Variants in ZNF654 observed in about 807,000 individuals in gnomAD.
ZNF654 encodes the protein melanoma-associated antigen.
Under a neutral mutation model 95.3 loss-of-function variants are expected in ZNF654, and 19 were observed. The ratio of observed to expected loss-of-function variants is 0.20; its 90% CI spans 0.14 to 0.29. The LOEUF is 0.29. Ranked by LOEUF, ZNF654 falls within the 10% of genes least tolerant of loss-of-function variation. ZNF654 has a pLI of 1.00. For synonymous variants in ZNF654, 413 were observed against 457.9 expected, an observed-to-expected ratio of 0.90 and a Z score of 1.25; for missense variants, 1,046 against 1,341.0, an observed-to-expected ratio of 0.78 and a Z score of 3.44.
intron 2 of ZNF654, among the ~76,000 whole-genome samples, chr3:88,088,539 G>A (rs779550013): frequency 3.6e-4 from 55 of 152,218 alleles, no homozygotes; most frequent in Non-Finnish European, 5.4e-4. Flanking sequence ...AAAATTTAAA[G>A]TTCTGTAGGA....
At chr3:88,070,512 A>T (rs1346004235) in intron 1 of ZNF654, among the ~76,000 whole-genome samples, 1 of 151,940 alleles carries the variant, frequency 6.6e-6, no homozygotes, top group Admixed American at 6.6e-5. Context: ...ACATACCAAA[A>T]AAAGTTATGA....
At chr3:88,124,702 A>G (rs1184699426) in intron 3 of ZNF654, among the ~76,000 whole-genome samples, 1 of 151,814 alleles carries the variant, frequency 6.6e-6, no homozygotes, top group Non-Finnish European at 1.5e-5. Context: ...CGTTTTTAAT[A>G]TCAGAGATTT....
intron 2 of ZNF654, among the ~76,000 whole-genome samples, chr3:88,098,827 G>A (rs1251785998): frequency 2.0e-5 from 3 of 152,034 alleles, no homozygotes; most frequent in Non-Finnish European, 4.4e-5. Context: ...GTATTGATGG[G>A]ACCTATCTCA....
At chr3:88,079,006 C>T (rs1421311666) in intron 1 of ZNF654, among the ~76,000 whole-genome samples, 6 of 151,948 alleles carry the variant, frequency 3.9e-5, no homozygotes, top group African/African-American at 1.4e-4. Flanking sequence ...GCTAAAAAGT[C>T]AGTGTTGAAG....
At chr3:88,062,840 A>G (rs1706964551) in intron 1 of ZNF654, among the ~76,000 whole-genome samples, 1 of 152,230 alleles carries the variant, frequency 6.6e-6, no homozygotes, top group African/African-American at 2.4e-5. Context: ...TAGCACACAG[A>G]TAGACTTAAA....
At chr3:88,093,880 G>A (rs1465720975) in intron 2 of ZNF654, among the ~76,000 whole-genome samples, 1 of 152,156 alleles carries the variant, frequency 6.6e-6, no homozygotes, top group Non-Finnish European at 1.5e-5. Flanking sequence ...CCCCACAAAA[G>A]GTGTTTGTAT....
rs1282917208 is a variant in ZNF654 at position 88,137,222 on chromosome 3, T to C, written c.1036-1483T>C. ...AAAAAAAAAAAAAAAAAAAAAAGGA[T>C]GTAGATAGAAGTATGGAGAAAGAAA... On this transcript the variant is annotated intron_variant, in intron 7 of 8. Coordinates refer to ENST00000636215, the MANE Select transcript of ZNF654 (RefSeq NM_001350134.2). 3.1e-5 allele frequency among the ~76,000 whole-genome samples: 4 copies of C among 128,968 alleles called. No individual in the cohort carries two copies. In the East Asian group the frequency reaches 9.0e-4, roughly 29 times the overall value. 84.6% of individuals were successfully genotyped at this position (128,968 alleles called of 152,430 possible).
At chr3:88,105,315 G>A (rs986879726) in intron 2 of ZNF654, among the ~76,000 whole-genome samples, 22 of 152,014 alleles carry the variant, frequency 1.4e-4, no homozygotes, top group Non-Finnish European at 3.2e-4. Flanking sequence ...ATATCTTGGA[G>A]ATCATTCCAC....
intron 1 of ZNF654, among the ~76,000 whole-genome samples, chr3:88,076,879 C>G (rs1427528255): frequency 6.6e-6 from 1 of 152,146 alleles, no homozygotes; most frequent in African/African-American, 2.4e-5. Flanking sequence ...ACCTAAGCTG[C>G]CACATGGAGG....
In ZNF654 at chr3:88,128,869, T is replaced by C; in HGVS notation, c.611T>C (p.Ile204Thr). Residue 204 changes from isoleucine to threonine, a missense_variant, in exon 5 of 9, where the codon ATT (isoleucine) becomes ACT (threonine). Transcript: ENST00000636215. ...LFFELRARYL[I>T]ACERIPEAMA... ...TTTGAACTACGTGCCAGATACCTAA[T>C]TGCTTGTGAACGCATACCCGAAGCA... is the stretch of plus-strand genomic sequence containing the variant. 1 of 1,535,626 alleles carries C rather than the reference T, an allele frequency of 6.5e-7. No individual in the cohort carries two copies. Among genetic ancestry groups the C allele is most frequent in the Non-Finnish European group, 8.7e-7 (1 of 1,146,606 alleles).
intron 4 of ZNF654, among the ~76,000 whole-genome samples, chr3:88,127,999 ATAAG>A (rs1256473895): frequency 1.3e-5 from 2 of 152,240 alleles, no homozygotes; most frequent in African/African-American, 4.8e-5. Context: ...CTGATTAAAT[ATAAG>A]TAATTAAAAT....
intron 1 of ZNF654, among the ~76,000 whole-genome samples, chr3:88,060,146 C>T (rs1317180878): frequency 6.6e-6 from 1 of 152,062 alleles, no homozygotes; most frequent in African/African-American, 2.4e-5. Flanking sequence ...TCGGTTGACA[C>T]ACGCACTCTT....
chr3:88,077,333 TG>T (rs200318906), intron 1 of ZNF654, among the ~76,000 whole-genome samples: 6,386 of 144,628 alleles, frequency 0.044, 579 homozygotes, highest in African/African-American at 0.14. Flanking sequence ...AGACTTAAAT[TG>T]TTTTTTTTTT....
At chr3:88,078,383 CAGGT>C (rs774868824) in intron 1 of ZNF654, among the ~76,000 whole-genome samples, 1 of 152,150 alleles carries the variant, frequency 6.6e-6, no homozygotes, top group Non-Finnish European at 1.5e-5. Context: ...AAGCCCAAAA[CAGGT>C]AGGGAAAGCT....
chr3:88,122,130 C>T (rs1204157948), intron 3 of ZNF654, among the ~76,000 whole-genome samples: 3 of 151,992 alleles, frequency 2.0e-5, no homozygotes, highest in Non-Finnish European at 1.5e-5. Flanking sequence ...ATTAAGGTAG[C>T]TAGTAGAAGC....
intron 7 of ZNF654, among the ~76,000 whole-genome samples, chr3:88,137,216 AAAG>A (rs1224168760): frequency 4.6e-5 from 7 of 151,388 alleles, no homozygotes; most frequent in Non-Finnish European, 1.0e-4. Context: ...AAAAAAAAAA[AAAG>A]GATGTAGATA....
At chr3:88,101,406 C>T (rs1291518028) in intron 2 of ZNF654, among the ~76,000 whole-genome samples, 1 of 152,024 alleles carries the variant, frequency 6.6e-6, no homozygotes, top group African/African-American at 2.4e-5. Flanking sequence ...TCACTTAGAG[C>T]AAGTGAAAAT....
At chr3:88,123,291 G>C (rs1369589114) in intron 3 of ZNF654, among the ~76,000 whole-genome samples, 17 of 152,182 alleles carry the variant, frequency 1.1e-4, no homozygotes, top group Admixed American at 6.5e-5. Context: ...TTCCATAAGA[G>C]TGGTCTCCAA....
At chr3:88,074,074 A>G (rs1243576010) in intron 1 of ZNF654, among the ~76,000 whole-genome samples, 1 of 152,206 alleles carries the variant, frequency 6.6e-6, no homozygotes, top group Non-Finnish European at 1.5e-5. Flanking sequence ...CCACAAAAAT[A>G]AGAATCTACC....
Sources: allele counts gnomAD v4.1 joint callset (sites outside exome capture counted in the v4.1 genomes callset), GRCh38; gene constraint gnomAD v4.1.1; transcripts MANE v1.5; gene names NCBI Gene and HGNC (gene_info 2026-07-23, HGNC 2026-07-21).